Variants in ELMOD1 observed in about 807,000 individuals in gnomAD.
The protein encoded by ELMOD1 is ELMO domain containing 1.
Under a neutral mutation model 46.7 loss-of-function variants are expected in ELMOD1, and 21 were observed. The ratio of observed to expected loss-of-function variants is 0.45; its 90% CI spans 0.32 to 0.65. The LOEUF (loss-of-function observed/expected upper bound fraction) is 0.65, where lower values mean the gene tolerates loss of function less well. Among genes scored for constraint, ELMOD1 ranks in the 30% least tolerant of loss-of-function variants. The pLI is 0.04. For synonymous variants in ELMOD1, 122 were observed against 138.2 expected, an observed-to-expected ratio of 0.88 and a Z score of 0.82; for missense variants, 348 against 407.8, an observed-to-expected ratio of 0.85 and a Z score of 1.26.
At chr11:107,624,521 C>T (rs930438231) in intron 2 of ELMOD1, among the ~76,000 whole-genome samples, 4 of 152,096 alleles carry the variant, frequency 2.6e-5, no homozygotes, top group Non-Finnish European at 5.9e-5. Flanking sequence ...CATTGTGGCG[C>T]GTACCTGTAG....
Position 107,630,740 on chromosome 11 carries a change from TA to T in ELMOD1, c.192+13del. ...ATTCTAAAAGTAAGGTAAGTAAAATTATTTTTCAGCAGCTTTTTTTTCACTT... is the reference window on the plus strand; with the variant it reads ...ATTCTAAAAGTAAGGTAAGTAAAATTTTTTTCAGCAGCTTTTTTTTCACTT... On this transcript the variant is annotated intron_variant, in intron 4 of 11. Coordinates refer to ENST00000265840, the MANE Select transcript of ELMOD1 (RefSeq NM_018712.4). The T allele has an allele frequency of 6.3e-7, 1 of 1,595,302 alleles. No individual in the cohort carries two copies. The highest frequency in any genetic ancestry group is 2.1e-4 in the Middle Eastern group (1 of 4,676).
intron 1 of ELMOD1, chr11:107,600,357 T>A (rs1865576498): frequency 6.6e-6 from 1 of 152,206 alleles, no homozygotes; most frequent in African/African-American, 2.4e-5. Context: ...GAAGGTTTTT[T>A]AAAAAACAGT....
chr11:107,607,167 T>C (rs1865699319), intron 1 of ELMOD1, among the ~76,000 whole-genome samples: 1 of 152,222 alleles, frequency 6.6e-6, no homozygotes, highest in African/African-American at 2.4e-5. Flanking sequence ...CTCCACTTGA[T>C]GGGCTGATTG....
Position 107,630,576 on chromosome 11 carries a change from A to G in ELMOD1, c.163+14A>G. On this transcript the variant is annotated intron_variant, in intron 3 of 11. Coordinates refer to ENST00000265840, the MANE Select transcript of ELMOD1 (RefSeq NM_018712.4). Reference sequence around the variant, plus strand: ...CCATGAAAATCGGTAAGCCTGAGACAAAGAAGTAAGCAAAAGGTAGAGTTG... The same window carrying G: ...CCATGAAAATCGGTAAGCCTGAGACGAAGAAGTAAGCAAAAGGTAGAGTTG... 5 of 1,608,592 alleles carry G rather than the reference A, an allele frequency of 3.1e-6. No homozygotes were observed. In the Middle Eastern group the frequency reaches 6.6e-4, roughly 213 times the overall value.
At chr11:107,611,991 A>T (rs1015614963) in intron 1 of ELMOD1, among the ~76,000 whole-genome samples, 6 of 152,224 alleles carry the variant, frequency 3.9e-5, no homozygotes, top group African/African-American at 1.4e-4. Context: ...ACGATCTACC[A>T]TTTGACCCAG....
At chr11:107,630,364 TCTC>T in intron 2 of ELMOD1, 50 bp from the exon 3 acceptor site, 1 of 1,500,584 alleles carries the variant, frequency 6.7e-7, no homozygotes, top group Non-Finnish European at 8.9e-7. Flanking sequence ...GTGGCTGCTT[TCTC>T]TTCTCTTCCA....
At chr11:107,604,796 G>A (rs1399762676) in intron 1 of ELMOD1, among the ~76,000 whole-genome samples, 1 of 152,120 alleles carries the variant, frequency 6.6e-6, no homozygotes, top group Non-Finnish European at 1.5e-5. Context: ...CTAAATGGTC[G>A]AATTCCTTTA....
chr11:107,592,026 A>T, intron 1 of ELMOD1: 2 of 492,266 alleles, frequency 4.1e-6, no homozygotes, highest in South Asian at 3.1e-5. Context: ...CCGAGTGGGG[A>T]GTGACAGCTG....
chr11:107,630,340 T>G, intron 2 of ELMOD1, 77 bp from the exon 3 acceptor site: 1 of 1,380,196 alleles, frequency 7.2e-7, no homozygotes, highest in East Asian at 2.5e-5. Context: ...CCTGGGCTTC[T>G]TTTCTTGCTG....
Position 107,650,317 on chromosome 11 carries a change from C to T in ELMOD1, c.555-18C>T. The T allele has an allele frequency of 6.4e-7, 1 of 1,554,856 alleles. No individual in the cohort carries two copies. Among genetic ancestry groups the T allele is most frequent in the Non-Finnish European group, 8.7e-7 (1 of 1,145,170 alleles). ...TAAGCAAGTATAGAGTTACGGTTTT[C>T]TTTCCCTCCCGCTGCAGGTATTTCG... On this transcript the variant is annotated intron_variant, in intron 7 of 11. Transcript: ENST00000265840.
At chr11:107,611,675 A>G (rs1308135178) in intron 1 of ELMOD1, among the ~76,000 whole-genome samples, 1 of 140,134 alleles carries the variant, frequency 7.1e-6, no homozygotes, top group Non-Finnish European at 1.5e-5. Context: ...ACTGCACTCC[A>G]TCTTGGGCAA....
At chr11:107,655,832 C>G in intron 10 of ELMOD1, 101 bp from the exon 11 acceptor site, 1 of 1,260,012 alleles carries the variant, frequency 7.9e-7, no homozygotes, top group Non-Finnish European at 1.1e-6. Flanking sequence ...GGCATTTGTA[C>G]ACTGTCGTGG....
At chr11:107,617,383 T>G (rs1865880558) in intron 1 of ELMOD1, among the ~76,000 whole-genome samples, 1 of 152,238 alleles carries the variant, frequency 6.6e-6, no homozygotes, top group African/African-American at 2.4e-5. Flanking sequence ...TTCTCTCCAC[T>G]TGCAGACACT....
chr11:107,661,495 A>T (rs1349207753), intron 11 of ELMOD1, among the ~76,000 whole-genome samples: 2 of 152,330 alleles, frequency 1.3e-5, no homozygotes, highest in African/African-American at 4.8e-5. Context: ...AATACTAATG[A>T]GATGCATTAT....
At chr11:107,661,033 C>T (rs494957) in intron 11 of ELMOD1, among the ~76,000 whole-genome samples, 118,897 of 152,200 alleles carry the variant, frequency 0.78, 47,384 homozygotes, top group African/African-American at 0.94. Context: ...GTGAGTGGAG[C>T]TTTATGATTA....
chr11:107,630,809 C>T (rs1866123590), intron 4 of ELMOD1, 81 bp downstream of exon 4: 12 of 1,354,916 alleles, frequency 8.9e-6, no homozygotes, highest in Non-Finnish European at 1.2e-5. Flanking sequence ...TCTAAGAAAC[C>T]AAAATATACC....
chr11:107,622,120 A>G (rs1865961314), intron 2 of ELMOD1, among the ~76,000 whole-genome samples: 1 of 152,338 alleles, frequency 6.6e-6, no homozygotes, highest in South Asian at 2.1e-4. Flanking sequence ...GATATATAAA[A>G]GAATGCGATC....
In ELMOD1 at chr11:107,650,405, T is replaced by C. The variant is rs1463923046; in HGVS notation, c.623+2T>C. 1 of 1,578,260 alleles carries C rather than the reference T, an allele frequency of 6.3e-7. No homozygotes were observed. Among genetic ancestry groups the C allele is most frequent in the Admixed American group, 1.8e-5 (1 of 55,444 alleles). Reference sequence around the variant, plus strand: ...TGACTCTCTTCATCCGAAATGCAGGTAATTGTTGAAAGTAAAAGATGAATT... The same window carrying C: ...TGACTCTCTTCATCCGAAATGCAGGCAATTGTTGAAAGTAAAAGATGAATT... On this transcript the variant is annotated splice_donor_variant, in intron 8 of 11. Transcript: ENST00000265840. LOFTEE classifies it high-confidence loss of function.
intron 1 of ELMOD1, chr11:107,592,865 A>G (rs1238293387): frequency 6.5e-6 from 1 of 153,624 alleles, no homozygotes; most frequent in African/African-American, 2.4e-5. Context: ...ACACACAGCA[A>G]TCAGTACTCG....
Sources: allele counts gnomAD v4.1 joint callset (sites outside exome capture counted in the v4.1 genomes callset), GRCh38; gene constraint gnomAD v4.1.1; transcripts MANE v1.5; gene names NCBI Gene and HGNC (gene_info 2026-07-23, HGNC 2026-07-21).